SGCZ: variants seen among roughly 807,000 people sequenced by gnomAD.
SGCZ encodes the protein zeta-sarcoglycan.
A neutral mutation model predicts 41.3 loss-of-function variants in SGCZ; 40 were observed. The ratio of observed to expected loss-of-function variants is 0.97; its 90% CI spans 0.75 to 1.26. The LOEUF (loss-of-function observed/expected upper bound fraction) is 1.26. SGCZ is among the 50% of genes most tolerant of loss of function. The probability of loss-of-function intolerance (pLI) is 0.00; values close to 1 mark genes in which losing one functional copy is unlikely to be tolerated. For synonymous variants in SGCZ, 206 were observed against 137.5 expected, an observed-to-expected ratio of 1.50 and a Z score of -3.49; for missense variants, 552 against 369.8, an observed-to-expected ratio of 1.49 and a Z score of -4.04.
At chr8:15,089,332 A>T (rs1422443907) in intron 1 of SGCZ, among the ~76,000 whole-genome samples, 2 of 152,190 alleles carry the variant, frequency 1.3e-5, no homozygotes. Flanking sequence ...GAGTGTAATG[A>T]TAATTTCAAG....
chr8:14,891,863 C>A (rs1349412795), intron 1 of SGCZ, among the ~76,000 whole-genome samples: 1 of 152,132 alleles, frequency 6.6e-6, no homozygotes, highest in African/African-American at 2.4e-5. Flanking sequence ...CCTCCACAAG[C>A]AAAAATATTA....
intron 2 of SGCZ, among the ~76,000 whole-genome samples, chr8:14,399,198 G>T (rs973003539): frequency 2.0e-5 from 3 of 152,066 alleles, no homozygotes; most frequent in Non-Finnish European, 2.9e-5. Context: ...TTATTTTCCT[G>T]TTAAGTGTCA....
intron 2 of SGCZ, among the ~76,000 whole-genome samples, chr8:14,410,967 A>G (rs969695895): frequency 6.6e-6 from 1 of 152,160 alleles, no homozygotes; most frequent in Non-Finnish European, 1.5e-5. Context: ...CTTTTAAAAA[A>G]ATTTCAATAG....
At chr8:14,289,797 T>C (rs1457952316) in intron 3 of SGCZ, among the ~76,000 whole-genome samples, 1 of 150,798 alleles carries the variant, frequency 6.6e-6, no homozygotes, top group African/African-American at 2.4e-5. Flanking sequence ...CACCCTGCTA[T>C]AATGAACTAC....
intron 2 of SGCZ, among the ~76,000 whole-genome samples, chr8:14,548,506 T>TA (rs1360767554): frequency 6.6e-6 from 1 of 152,102 alleles, no homozygotes; most frequent in African/African-American, 2.4e-5. Flanking sequence ...TGCTTACAGG[T>TA]AAAAGCATGA....
intron 1 of SGCZ, among the ~76,000 whole-genome samples, chr8:14,957,151 C>G (rs1463803202): frequency 2.6e-5 from 4 of 152,070 alleles, no homozygotes; most frequent in African/African-American, 9.7e-5. Context: ...TAAATAAATT[C>G]TATAAATATG....
chr8:14,950,702 T>C (rs912025850), intron 1 of SGCZ, among the ~76,000 whole-genome samples: 2 of 151,908 alleles, frequency 1.3e-5, no homozygotes, highest in Non-Finnish European at 2.9e-5. Context: ...ATTTGAGAAA[T>C]GTGAATGTGG....
chr8:14,306,699 A>C (rs1444262403), intron 3 of SGCZ, among the ~76,000 whole-genome samples: 1 of 152,272 alleles, frequency 6.6e-6, no homozygotes, highest in African/African-American at 2.4e-5. Flanking sequence ...AGAAAAAATA[A>C]GTGTCATTGT....
chr8:14,329,352 C>G (rs546901181), intron 2 of SGCZ, among the ~76,000 whole-genome samples: 43 of 152,250 alleles, frequency 2.8e-4, no homozygotes, highest in Admixed American at 1.6e-3. Flanking sequence ...AAGTGAATTA[C>G]TATTGGACCT....
At chr8:14,517,062 A>G (rs1459061862) in intron 2 of SGCZ, among the ~76,000 whole-genome samples, 2 of 152,090 alleles carry the variant, frequency 1.3e-5, no homozygotes, top group African/African-American at 4.8e-5. Context: ...TAAATTTTCA[A>G]TAAGTCTTCG....
chr8:15,037,684 G>C (rs1413489089), intron 1 of SGCZ, among the ~76,000 whole-genome samples: 1 of 152,222 alleles, frequency 6.6e-6, no homozygotes, highest in Non-Finnish European at 1.5e-5. Context: ...AAGTTAAACT[G>C]TCCCTGTTTG....
intron 1 of SGCZ, among the ~76,000 whole-genome samples, chr8:14,927,921 T>C (rs531706153): frequency 6.6e-6 from 1 of 152,190 alleles, no homozygotes; most frequent in South Asian, 2.1e-4. Flanking sequence ...ATTAGTACCA[T>C]ATTTGATGAT....
At chr8:14,622,816 G>T (rs1290138735) in intron 1 of SGCZ, among the ~76,000 whole-genome samples, 1 of 152,156 alleles carries the variant, frequency 6.6e-6, no homozygotes, top group Non-Finnish European at 1.5e-5. Flanking sequence ...GTGGCTTCCA[G>T]TTATTTTTGA....
intron 1 of SGCZ, among the ~76,000 whole-genome samples, chr8:15,160,378 C>T (rs536641309): frequency 5.3e-5 from 8 of 152,224 alleles, no homozygotes; most frequent in African/African-American, 1.7e-4. Flanking sequence ...CTGTGTTTAT[C>T]GATTTATCTT....
chr8:14,330,610 A>G (rs1459009157), intron 2 of SGCZ, among the ~76,000 whole-genome samples: 1 of 151,766 alleles, frequency 6.6e-6, no homozygotes, highest in Non-Finnish European at 1.5e-5. Context: ...ATTTAAAATG[A>G]CTGTTTAAAT....
chr8:14,756,026 A>G (rs1339474153), intron 1 of SGCZ, among the ~76,000 whole-genome samples: 1 of 152,122 alleles, frequency 6.6e-6, no homozygotes, highest in Admixed American at 6.5e-5. Flanking sequence ...AAGAGTGAAA[A>G]AACAAACTGT....
intron 1 of SGCZ, among the ~76,000 whole-genome samples, chr8:15,119,836 G>A (rs62499784): frequency 0.17 from 26,383 of 152,036 alleles, 2,436 homozygotes; most frequent in Non-Finnish European, 0.22. Flanking sequence ...TTTTGAGACA[G>A]TCTCGCTCTG....
chr8:14,252,321 G>T (rs780072435), intron 3 of SGCZ, among the ~76,000 whole-genome samples: 3 of 151,660 alleles, frequency 2.0e-5, no homozygotes, highest in South Asian at 2.1e-4. Flanking sequence ...TTTCAGACTT[G>T]TCAGATATAT....
At chr8:14,655,756 T>C (rs545991755) in intron 1 of SGCZ, among the ~76,000 whole-genome samples, 5 of 152,228 alleles carry the variant, frequency 3.3e-5, no homozygotes, top group African/African-American at 1.2e-4. Context: ...TACCCTTTTA[T>C]AGCCTCATCC....
Sources: gnomAD v4.1 joint callset for allele counts (sites outside exome capture counted in the v4.1 genomes callset) on GRCh38, gnomAD v4.1.1 for gene constraint, MANE v1.5 for transcripts, NCBI Gene and HGNC (gene_info 2026-07-23, HGNC 2026-07-21) for gene names.